REV1: variants seen among roughly 807,000 people sequenced by gnomAD.
REV1 encodes the protein REV1 DNA directed polymerase.
In REV1, 42 loss-of-function variants were observed where a neutral mutation model predicts 137.4. The ratio of observed to expected loss-of-function variants is 0.31; its 90% CI spans 0.24 to 0.40. REV1 has a LOEUF of 0.40. Among genes scored for constraint, REV1 ranks in the 10% least tolerant of loss-of-function variants. The probability of loss-of-function intolerance (pLI) is 1.00; values close to 1 mark genes in which losing one functional copy is unlikely to be tolerated. For missense variants in REV1, 1,282 were observed against 1,490.1 expected, an observed-to-expected ratio of 0.86 and a Z score of 2.30; for synonymous variants, 524 against 519.2, an observed-to-expected ratio of 1.01 and a Z score of -0.12.
rs542219299 is a variant in REV1, at chr2:99,466,142, G to A, written c.-10-1157C>T. ...TTTTTTTTGTATTTTTAGTAGAGAC[G>A]GCGTTTCACCATGTGAGCCAGGATG... On this transcript the variant is annotated intron_variant, in intron 1 of 22. Transcript: ENST00000258428. Among the ~76,000 whole-genome samples, 86 of 151,880 alleles carry A rather than the reference G, an allele frequency of 5.7e-4. No individual in the cohort carries two copies. The East Asian group carries it at 0.011, about 20-fold the overall frequency.
intron 21 of REV1, 130 bp downstream of exon 21, chr2:99,402,514 G>A: frequency 1.0e-6 from 1 of 959,502 alleles, no homozygotes. Flanking sequence ...AAAAGATTTG[G>A]GGGTAGCTGC....
intron 15 of REV1, among the ~76,000 whole-genome samples, chr2:99,407,255 A>G (rs577700621): frequency 7.9e-5 from 12 of 151,400 alleles, no homozygotes; most frequent in Non-Finnish European, 1.8e-4. Context: ...ACACCCGGCT[A>G]ATTTTTGTAT....
At position 99,424,138 on chromosome 2, in the gene REV1, T is replaced by G; in HGVS notation, c.1676+14A>C. 6.2e-7 allele frequency: 1 copy of G among 1,611,644 alleles called. No individual in the cohort carries two copies. Among genetic ancestry groups the G allele is most frequent in the Middle Eastern group, 1.7e-4 (1 of 6,040 alleles). ...GAAAACACAGACACAAAATGACAGT[T>G]TGATACACTGTACCTTGCCAATGTT... On this transcript the variant is annotated intron_variant, in intron 10 of 22. Transcript: ENST00000258428.
chr2:99,464,505 C>A (rs1339892746), intron 2 of REV1, among the ~76,000 whole-genome samples: 2 of 152,142 alleles, frequency 1.3e-5, no homozygotes, highest in Non-Finnish European at 2.9e-5. Context: ...CAAAATATTT[C>A]TTTGTAACAC....
At chr2:99,413,114 G>A (rs930374778) in intron 12 of REV1, among the ~76,000 whole-genome samples, 163 bp from the exon 13 acceptor site, 5 of 152,158 alleles carry the variant, frequency 3.3e-5, no homozygotes, top group Non-Finnish European at 7.3e-5. Flanking sequence ...ATTTTTTGGT[G>A]CAAAATCATG....
chr2:99,489,105 G>A (rs1687401369), intron 1 of REV1, among the ~76,000 whole-genome samples: 4 of 152,176 alleles, frequency 2.6e-5, no homozygotes, highest in South Asian at 2.1e-4. Context: ...GGCTCGGTGC[G>A]CCCAGAGCGG....
chr2:99,460,225 C>T (rs985757370), intron 3 of REV1, among the ~76,000 whole-genome samples: 41 of 152,220 alleles, frequency 2.7e-4, no homozygotes, highest in African/African-American at 9.1e-4. Context: ...TACAGGCGCA[C>T]GTCACCACGC....
rs367772715 is a variant in REV1 at position 99,455,621 on chromosome 2, T to C, written c.182-6117A>G. ...AGAGGTTCAATTCCTCCATCTCTTATCTACAAGATGAGAGTCTCACAGGAA... is the reference window on the plus strand; with the variant it reads ...AGAGGTTCAATTCCTCCATCTCTTACCTACAAGATGAGAGTCTCACAGGAA... On this transcript the variant is annotated intron_variant, in intron 3 of 22. Transcript: ENST00000258428. Among the ~76,000 whole-genome samples the C allele has an allele frequency of 5.5e-4, 83 of 152,262 alleles. 2 individuals are homozygous for C. The South Asian group carries it at 0.015, about 27-fold the overall frequency.
chr2:99,411,581 G>GT lies in REV1; in HGVS notation c.2173-715dup, dbSNP rs771243962. Among the ~76,000 whole-genome samples, 47 of 151,256 alleles carry GT rather than the reference G, an allele frequency of 3.1e-4. 1 individual carries two copies. Among genetic ancestry groups the GT allele is most frequent in the Non-Finnish European group, 6.3e-4 (43 of 67,786 alleles). ...GCCACAATGTCTGGCTAATTTTTTTGTATTTTTAGTAGAGACGGGGTTTCA... is the reference window on the plus strand; with the variant it reads ...GCCACAATGTCTGGCTAATTTTTTTGTTATTTTTAGTAGAGACGGGGTTTCA... On this transcript the variant is annotated intron_variant, in intron 13 of 22. Coordinates refer to ENST00000258428, the MANE Select transcript of REV1 (RefSeq NM_016316.4).
intron 1 of REV1, among the ~76,000 whole-genome samples, chr2:99,479,342 A>C (rs926107730): frequency 6.6e-6 from 1 of 151,400 alleles, no homozygotes; most frequent in African/African-American, 2.4e-5. Flanking sequence ...AAAAAAAAAA[A>C]AACAAAAAGA....
chr2:99,440,746 C>A (rs3792142), intron 5 of REV1, among the ~76,000 whole-genome samples: 64,636 of 151,868 alleles, frequency 0.43, 14,030 homozygotes, highest in Admixed American at 0.57. Flanking sequence ...ATATACCCCC[C>A]AAAAAAACCC....
chr2:99,465,141 T>C (rs1195830311), intron 1 of REV1, among the ~76,000 whole-genome samples, 156 bp from the exon 2 acceptor site: 1 of 152,176 alleles, frequency 6.6e-6, no homozygotes, highest in Non-Finnish European at 1.5e-5. Context: ...AGTTCTCCAT[T>C]CTCCAGCTTT....
intron 4 of REV1, among the ~76,000 whole-genome samples, chr2:99,448,741 C>T (rs867214089): frequency 6.6e-6 from 1 of 152,184 alleles, no homozygotes; most frequent in Non-Finnish European, 1.5e-5. Context: ...ACACAGAACA[C>T]TGCCTAGTCT....
chr2:99,406,453 A>G lies in REV1; in HGVS notation c.2486T>C (p.Leu829Pro). 6.2e-7 allele frequency: 1 copy of G among 1,612,852 alleles called. No individual in the cohort carries two copies. Among genetic ancestry groups the G allele is most frequent in the Non-Finnish European group, 8.5e-7 (1 of 1,179,358 alleles). Reference protein sequence around the residue: ...IHVNQLVPTNLNPSTCPSRPS... With the variant: ...IHVNQLVPTNPNPSTCPSRPS... ...GCGACTGGGACATGTGGAAGGGTTC[A>G]GATTAGTTGGAACCAACTGATTCAC... The change falls in exon 16 of 23, where the codon CTG becomes CCG. Residue 829 changes from leucine (L) to proline (P), a missense_variant. Coordinates refer to ENST00000258428, the MANE Select transcript of REV1 (RefSeq NM_016316.4).
At position 99,474,298 on chromosome 2, in the gene REV1, G is replaced by C. The variant is rs943817478; in HGVS notation, c.-10-9313C>G. Among the ~76,000 whole-genome samples, 6 of 152,242 alleles carry C rather than the reference G, an allele frequency of 3.9e-5. No individual in the cohort carries two copies. The East Asian group carries it at 1.2e-3, about 29-fold the overall frequency. ...TTTTGCACACAATAGTTGACTTCTA[G>C]GGTAGAGAAGCTAAAAAGTTCTGTA... On this transcript the variant is annotated intron_variant, in intron 1 of 22. Transcript: ENST00000258428.
intron 3 of REV1, among the ~76,000 whole-genome samples, chr2:99,455,275 A>C (rs746539246): frequency 5.9e-5 from 9 of 152,216 alleles, no homozygotes; most frequent in Non-Finnish European, 1.2e-4. Flanking sequence ...AATCTTATGA[A>C]TTAGAAAAGA....
intron 7 of REV1, among the ~76,000 whole-genome samples, chr2:99,435,148 C>T (rs1023385561): frequency 6.6e-6 from 1 of 152,154 alleles, no homozygotes; most frequent in Non-Finnish European, 1.5e-5. Flanking sequence ...CCTTTCAGAG[C>T]TGAGGAACTA....
rs753033037 is a variant in REV1 at position 99,439,053 on chromosome 2, G to C, written c.761C>G (p.Ser254Cys). ...ATCCTCCTCCTGGGAAAAGGCTGGA[G>C]AAAGCCTGCTGGCAACACTGTTGAC... ...PMVNSVASRL[S>C]PAFSQEEDKA... The change falls in exon 6 of 23, where the codon TCT becomes TGT. Residue 254 changes from serine to cysteine, a missense_variant. Around this residue, in one of 7 missense-constraint regions of REV1, gnomAD observed 432 missense variants for 438.0 expected, o/e 0.99. Coordinates refer to ENST00000258428, the MANE Select transcript of REV1 (RefSeq NM_016316.4). 13 of 1,614,144 alleles carry C rather than the reference G, an allele frequency of 8.1e-6. No individual in the cohort carries two copies. Among genetic ancestry groups the C allele is most frequent in the South Asian group, 7.7e-5 (7 of 91,082 alleles).
At chr2:99,458,947 A>G (rs377362740) in intron 3 of REV1, among the ~76,000 whole-genome samples, 32 of 152,108 alleles carry the variant, frequency 2.1e-4, no homozygotes, top group East Asian at 1.2e-3. Flanking sequence ...GGTGGCTCAC[A>G]CCTGTAATCC....
Sources: allele counts gnomAD v4.1 joint callset (sites outside exome capture counted in the v4.1 genomes callset), GRCh38; gene constraint gnomAD v4.1.1; regional missense constraint gnomAD v4.1.1; transcripts MANE v1.5; gene names NCBI Gene and HGNC (gene_info 2026-07-23, HGNC 2026-07-21).